GOLT1B: variants seen among roughly 807,000 people sequenced by gnomAD.
The protein encoded by GOLT1B is golgi transport 1B.
Under a neutral mutation model 15.4 loss-of-function variants are expected in GOLT1B, and 3 were observed. The observed-to-expected ratio is 0.19, with a 90% CI of 0.09 to 0.50. The LOEUF is 0.50. Among genes scored for constraint, GOLT1B ranks in the 20% least tolerant of loss-of-function variants. GOLT1B has a pLI of 0.97. For synonymous variants in GOLT1B, 65 were observed against 56.2 expected, an observed-to-expected ratio of 1.16 and a Z score of -0.70; for missense variants, 145 against 160.4, an observed-to-expected ratio of 0.90 and a Z score of 0.52.
At chr12:21,504,099 G>A (rs1326230855) in intron 1 of GOLT1B, among the ~76,000 whole-genome samples, 1 of 152,212 alleles carries the variant, frequency 6.6e-6, no homozygotes, top group South Asian at 2.1e-4. Flanking sequence ...AACAGTGTTT[G>A]CCATTAGATT....
At chr12:21,511,696 A>AAT (rs538874194) in intron 3 of GOLT1B, among the ~76,000 whole-genome samples, 113 of 152,372 alleles carry the variant, frequency 7.4e-4, no homozygotes, top group African/African-American at 2.6e-3. Flanking sequence ...TCAAAGACCA[A>AAT]ATATATATTT....
rs1038874518 is a variant in GOLT1B at position 21,517,868 on chromosome 12, A to T, written c.*2161A>T. ...AGTCTGCTGATAGAAAGCACTATAC[A>T]TCCTATTGTTTCTTTCTTTCCAAAA... On this transcript the variant is annotated 3_prime_UTR_variant, in exon 5 of 5. Coordinates refer to ENST00000229314, the MANE Select transcript of GOLT1B (RefSeq NM_016072.5). 9 of 152,516 alleles carry T rather than the reference A, an allele frequency of 5.9e-5. No homozygotes were observed. Among genetic ancestry groups the T allele is most frequent in the African/African-American group, 1.9e-4 (8 of 41,430 alleles). The allele number at this position is 152,516 out of a possible 1,614,324, so 9.4% of individuals were successfully genotyped here. A position where few individuals can be genotyped will look rare whatever the true frequency, so the allele number is the denominator to read the frequency against.
chr12:21,515,687 G>A lies in GOLT1B; in HGVS notation c.397G>A (p.Glu133Lys). ...CTTACAGTTTGTAGATAAAGTTGGA[G>A]AAAGCAACAATATGGTATAACAACA... Reference protein sequence around the residue: ...GIRSFVDKVGESNNMV With the variant: ...GIRSFVDKVGKSNNMV Residue 133 changes from glutamate to lysine, a missense_variant, in exon 5 of 5, where the codon GAA (glutamate) becomes AAA (lysine). Transcript: ENST00000229314. 1 of 1,380,888 alleles carries A rather than the reference G, an allele frequency of 7.2e-7. No individual in the cohort carries two copies. Among genetic ancestry groups the A allele is most frequent in the African/African-American group, 1.4e-5 (1 of 69,586 alleles). 85.5% of individuals were successfully genotyped at this position (1,380,888 alleles called of 1,614,324 possible).
Position 21,517,383 on chromosome 12 carries a change from G to C in GOLT1B, c.*1676G>C, listed in dbSNP as rs1943763834. The C allele has an allele frequency of 6.6e-6, 1 of 152,392 alleles. No homozygotes were observed. The highest frequency in any genetic ancestry group is 1.5e-5 in the Non-Finnish European group (1 of 67,868). The allele number at this position is 152,392 out of a possible 1,614,324, so 9.4% of individuals were successfully genotyped here. A position where few individuals can be genotyped will look rare whatever the true frequency, so the allele number is the denominator to read the frequency against. ...AATGGAATAATAAGAGGCTACTGTT[G>C]TGTCTAATGTTCTTCAAAAAAGTAA... On this transcript the variant is annotated 3_prime_UTR_variant, in exon 5 of 5. Coordinates refer to ENST00000229314, the MANE Select transcript of GOLT1B (RefSeq NM_016072.5).
intron 3 of GOLT1B, among the ~76,000 whole-genome samples, chr12:21,510,126 A>C (rs566156368): frequency 6.6e-6 from 1 of 152,302 alleles, no homozygotes; most frequent in South Asian, 2.1e-4. Flanking sequence ...GCCAGTCAAG[A>C]GGCGGTTAAT....
intron 2 of GOLT1B, 28 bp downstream of exon 2, chr12:21,507,004 A>T: frequency 1.1e-6 from 1 of 885,222 alleles, no homozygotes; most frequent in Non-Finnish European, 1.8e-6. Context: ...TATTTTAACT[A>T]AATTTATAAG....
intron 3 of GOLT1B, among the ~76,000 whole-genome samples, chr12:21,509,174 G>A (rs963294665): frequency 1.2e-4 from 18 of 151,840 alleles, no homozygotes; most frequent in Non-Finnish European, 2.2e-4. Context: ...CGAGGTGGGC[G>A]GATCACCTGA....
chr12:21,512,979 T>C (rs1565582934), intron 4 of GOLT1B, among the ~76,000 whole-genome samples: 1 of 151,090 alleles, frequency 6.6e-6, no homozygotes, highest in Non-Finnish European at 1.5e-5. Context: ...GGTGAGAGGA[T>C]TGGCTTGGGC....
At chr12:21,507,623 TAATA>T (rs1275819728) in intron 2 of GOLT1B, among the ~76,000 whole-genome samples, 1 of 152,006 alleles carries the variant, frequency 6.6e-6, no homozygotes, top group African/African-American at 2.4e-5. Context: ...ATTGATGTCT[TAATA>T]AATGATAATA....
At chr12:21,505,646 C>T (rs574353306) in intron 1 of GOLT1B, among the ~76,000 whole-genome samples, 2 of 152,266 alleles carry the variant, frequency 1.3e-5, no homozygotes, top group South Asian at 2.1e-4. Flanking sequence ...TTCAAGTTAT[C>T]AGAACATTTT....
intron 4 of GOLT1B, among the ~76,000 whole-genome samples, chr12:21,514,920 C>G (rs1176762227): frequency 2.6e-5 from 4 of 151,572 alleles, no homozygotes; most frequent in Non-Finnish European, 5.9e-5. Context: ...GTATAACCAC[C>G]TGGGTTATAT....
At position 21,512,345 on chromosome 12, in the gene GOLT1B, G is replaced by C; in HGVS notation, c.347G>C (p.Gly116Ala). ...TTTATTAGAAGAGTGCCAGTCCTTG[G>C]ATCCCTCCTAAATTTACCTGGAATT... Reference protein sequence around the residue: ...VGFIRRVPVLGSLLNLPGIRS... With the variant: ...VGFIRRVPVLASLLNLPGIRS... Residue 116 changes from glycine (G) to alanine (A), a missense_variant, in exon 4 of 5, where the codon GGA becomes GCA. By Grantham distance (60) the Gly-to-Ala change is moderately conservative. Coordinates refer to ENST00000229314, the MANE Select transcript of GOLT1B (RefSeq NM_016072.5). 1 of 1,567,276 alleles carries C rather than the reference G, an allele frequency of 6.4e-7. No homozygotes were observed. Among genetic ancestry groups the C allele is most frequent in the East Asian group, 2.2e-5 (1 of 44,572 alleles).
chr12:21,508,448 A>G lies in GOLT1B; in HGVS notation c.183A>G (p.Gln61=), dbSNP rs1943694631. ...GLERTFRFFF[Q]KHKMKATGFF... is the part of the protein sequence containing the mutation. The stretch of plus-strand genomic sequence containing the variant: ...AAAGAACATTCAGATTCTTCTTCCA[A>G]AAACATAAAATGAAAGCTACAGGTT... Residue 61 remains glutamine (Q), a synonymous_variant, in exon 3 of 5, where the codon CAA becomes CAG. Coordinates refer to ENST00000229314, the MANE Select transcript of GOLT1B (RefSeq NM_016072.5). The G allele has an allele frequency of 1.9e-6, 3 of 1,597,650 alleles. No individual in the cohort carries two copies. Among genetic ancestry groups the G allele is most frequent in the Non-Finnish European group, 8.6e-7 (1 of 1,166,554 alleles).
chr12:21,512,191 A>C, intron 3 of GOLT1B, 104 bp from the exon 4 acceptor site: 1 of 689,814 alleles, frequency 1.4e-6, no homozygotes, highest in Non-Finnish European at 2.6e-6. Context: ...AAGACCCTCA[A>C]TTATTCAGAA....
chr12:21,517,728 G>A lies in GOLT1B; in HGVS notation c.*2021G>A, dbSNP rs760472398. The A allele has an allele frequency of 5.9e-5, 9 of 152,278 alleles. No individual in the cohort carries two copies. Among genetic ancestry groups the A allele is most frequent in the Non-Finnish European group, 1.3e-4 (9 of 67,952 alleles). 9.4% of individuals were successfully genotyped at this position (152,278 alleles called of 1,614,324 possible). On this transcript the variant is annotated 3_prime_UTR_variant, in exon 5 of 5. Transcript: ENST00000229314. ...TTAGTAAAGATTGAGAGAGGCTGGA[G>A]CAGTTTTCAGTTTTAAATGAGTCTG...
rs1943761703 is a variant in GOLT1B at position 21,517,088 on chromosome 12, C to CT, written c.*1386dup. 6.6e-6 allele frequency: 1 copy of CT among 152,336 alleles called. No individual in the cohort carries two copies. Among genetic ancestry groups the CT allele is most frequent in the Non-Finnish European group, 1.5e-5 (1 of 67,854 alleles). The allele number at this position is 152,336 out of a possible 1,614,324, so 9.4% of individuals were successfully genotyped here. A position where few individuals can be genotyped will look rare whatever the true frequency, so the allele number is the denominator to read the frequency against. On this transcript the variant is annotated 3_prime_UTR_variant, in exon 5 of 5. Transcript: ENST00000229314. ...TTTTGTTTTTTTAACAGTTGCAAAG[C>CT]TTTTTAATGCATAAAAGTATAATTG... is the stretch of plus-strand genomic sequence containing the variant.
chr12:21,512,186 C>G, intron 3 of GOLT1B, 109 bp from the exon 4 acceptor site: 1 of 665,600 alleles, frequency 1.5e-6, no homozygotes, highest in Middle Eastern at 3.7e-4. Flanking sequence ...GTTTGAAGAC[C>G]CTCAATTATT....
rs1166184012 is a variant in GOLT1B at position 21,518,202 on chromosome 12, AT to A, written c.*2498del. ...CTGTGTTATGAAGTTCTAAAAGCTA[AT>A]TTAGCATTGCAAAATAACCTCATTT... On this transcript the variant is annotated 3_prime_UTR_variant, in exon 5 of 5. Transcript: ENST00000229314. The A allele has an allele frequency of 6.6e-6, 1 of 152,114 alleles. No homozygotes were observed. The highest frequency in any genetic ancestry group is 1.5e-5 in the Non-Finnish European group (1 of 67,972). 9.4% of individuals were successfully genotyped at this position (152,114 alleles called of 1,614,324 possible).
intron 2 of GOLT1B, chr12:21,507,376 A>C (rs1335140479): frequency 4.7e-6 from 1 of 214,714 alleles, no homozygotes; most frequent in East Asian, 1.4e-4. Context: ...TTTTAAAAAT[A>C]TATATTTCTA....
Sources: gnomAD v4.1 joint callset for allele counts (sites outside exome capture counted in the v4.1 genomes callset) on GRCh38, gnomAD v4.1.1 for gene constraint, MANE v1.5 for transcripts, NCBI Gene and HGNC (gene_info 2026-07-23, HGNC 2026-07-21) for gene names.